Variants in COL5A1 observed in about 807,000 individuals in gnomAD.
COL5A1 encodes collagen alpha-1(V) chain.
Under a neutral mutation model 263.7 loss-of-function variants are expected in COL5A1, and 16 were observed. That is an observed-to-expected ratio of 0.06 (90% CI 0.04 to 0.09). The LOEUF is 0.09. Among genes scored for constraint, COL5A1 ranks in the 10% least tolerant of loss-of-function variants. The pLI, the probability that COL5A1 is intolerant of heterozygous loss-of-function variation, is 1.00. For missense variants in COL5A1, 2,036 were observed against 2,540.5 expected, an observed-to-expected ratio of 0.80 and a Z score of 4.27; for synonymous variants, 1,012 against 1,004.5, an observed-to-expected ratio of 1.01 and a Z score of -0.14.
At chr9:134,817,429 C>A (rs1291182681) in intron 53 of COL5A1, among the ~76,000 whole-genome samples, 1 of 152,238 alleles carries the variant, frequency 6.6e-6, no homozygotes, top group Non-Finnish European at 1.5e-5. Flanking sequence ...AATGGTCCAG[C>A]CACTTGCTGG....
chr9:134,671,674 G>A (rs1832542569), intron 1 of COL5A1, among the ~76,000 whole-genome samples: 1 of 152,262 alleles, frequency 6.6e-6, no homozygotes, highest in Non-Finnish European at 1.5e-5. Context: ...GTGCGTGAAG[G>A]GTTGAGTGGA....
chr9:134,728,831 G>C, intron 6 of COL5A1, 24 bp downstream of exon 6: 3 of 1,613,802 alleles, frequency 1.9e-6, no homozygotes, highest in Non-Finnish European at 2.5e-6. Context: ...GGGGGACTGG[G>C]TTGGGCTGGG....
intron 9 of COL5A1, among the ~76,000 whole-genome samples, chr9:134,736,515 C>G (rs879751257): frequency 8.5e-5 from 13 of 152,220 alleles, no homozygotes; most frequent in African/African-American, 2.9e-4. Flanking sequence ...CTGAAGATCC[C>G]ACCTCTCAAC....
intron 1 of COL5A1, among the ~76,000 whole-genome samples, chr9:134,648,136 C>T (rs1385219269): frequency 6.6e-6 from 1 of 151,960 alleles, no homozygotes; most frequent in Non-Finnish European, 1.5e-5. Context: ...CAGCCTACAT[C>T]TTTCTCCTGT....
chr9:134,660,129 GA>G (rs1832158971), intron 1 of COL5A1, among the ~76,000 whole-genome samples: 2 of 152,200 alleles, frequency 1.3e-5, no homozygotes, highest in Non-Finnish European at 2.9e-5. Flanking sequence ...CAGCATTTCA[GA>G]AAAGAAAAAT....
At chr9:134,733,289 G>A (rs753040371) in intron 9 of COL5A1, among the ~76,000 whole-genome samples, 10 of 152,194 alleles carry the variant, frequency 6.6e-5, no homozygotes, top group Non-Finnish European at 1.3e-4. Context: ...TTATACCCCT[G>A]GAATCTCTTT....
At chr9:134,679,998 C>T (rs1386085271) in intron 1 of COL5A1, among the ~76,000 whole-genome samples, 1 of 152,026 alleles carries the variant, frequency 6.6e-6, no homozygotes, top group African/African-American at 2.4e-5. Flanking sequence ...GGGCCTGTGC[C>T]TGTGGGGAGG....
At chr9:134,729,896 A>G (rs1317980071) in intron 6 of COL5A1, among the ~76,000 whole-genome samples, 1 of 152,202 alleles carries the variant, frequency 6.6e-6, no homozygotes, top group Non-Finnish European at 1.5e-5. Flanking sequence ...GTCATCTCAC[A>G]TTGCTCTGAG....
intron 14 of COL5A1, among the ~76,000 whole-genome samples, 153 bp downstream of exon 14, chr9:134,752,798 C>A (rs574586852): frequency 6.6e-6 from 1 of 151,952 alleles, no homozygotes; most frequent in African/African-American, 2.4e-5. Context: ...GCCAGGGGGA[C>A]CAGGGGCCTC....
intron 5 of COL5A1, among the ~76,000 whole-genome samples, chr9:134,727,912 C>G (rs938585694): frequency 1.3e-5 from 2 of 152,232 alleles, no homozygotes; most frequent in Non-Finnish European, 2.9e-5. Context: ...TGTCCTCCCC[C>G]TCCCGCTGCA....
intron 14 of COL5A1, among the ~76,000 whole-genome samples, chr9:134,753,343 T>A (rs1232173554): frequency 1.3e-5 from 2 of 152,114 alleles, no homozygotes; most frequent in African/African-American, 4.8e-5. Flanking sequence ...CCGGGGCCTC[T>A]GGGGAGGAGT....
intron 45 of COL5A1, 42 bp from the exon 46 acceptor site, chr9:134,811,450 C>T: frequency 6.2e-7 from 1 of 1,613,096 alleles, no homozygotes. Context: ...GAGCTGCTGG[C>T]ATTGCCAGCA....
At chr9:134,813,877 C>A in intron 48 of COL5A1, 106 bp from the exon 49 acceptor site, 1 of 1,294,734 alleles carries the variant, frequency 7.7e-7, no homozygotes, top group South Asian at 1.3e-5. Flanking sequence ...CCTGGGTGCC[C>A]AGGGGCAGGC....
chr9:134,813,101 C>G (rs1838602341), intron 48 of COL5A1, among the ~76,000 whole-genome samples: 1 of 152,064 alleles, frequency 6.6e-6, no homozygotes, highest in Admixed American at 6.6e-5. Context: ...CTTGCAGTTT[C>G]CATTTCAGCC....
chr9:134,649,122 A>G (rs960635280), intron 1 of COL5A1, among the ~76,000 whole-genome samples: 1 of 151,860 alleles, frequency 6.6e-6, no homozygotes, highest in Non-Finnish European at 1.5e-5. Flanking sequence ...GCCATCTCAG[A>G]TGTTGTTTTT....
Position 134,806,640 on chromosome 9 carries a change from C to T in COL5A1, c.3366+344C>T, listed in dbSNP as rs561857292. 1.4e-3 allele frequency among the ~76,000 whole-genome samples: 216 copies of T among 152,300 alleles called. 1 individual carries two copies. The highest frequency in any genetic ancestry group is 5.1e-3 in the African/African-American group (211 of 41,558). Reference sequence around the variant, plus strand: ...AGGAAGGGGCCGAAGACAGTCAGTGCGCTGTGGACTTGGTCTCCGTCCAGC... The same window carrying T: ...AGGAAGGGGCCGAAGACAGTCAGTGTGCTGTGGACTTGGTCTCCGTCCAGC... On this transcript the variant is annotated intron_variant, in intron 42 of 65. Coordinates refer to ENST00000371817, the MANE Select transcript of COL5A1 (RefSeq NM_000093.5).
At chr9:134,790,359 C>T (rs1299442619) in intron 32 of COL5A1, among the ~76,000 whole-genome samples, 8 of 147,184 alleles carry the variant, frequency 5.4e-5, no homozygotes, top group Non-Finnish European at 9.0e-5. Context: ...CCAACCCATC[C>T]ACCCATCCAT....
intron 63 of COL5A1, among the ~76,000 whole-genome samples, chr9:134,829,559 G>T (rs962783491): frequency 6.8e-6 from 1 of 147,416 alleles, no homozygotes; most frequent in Non-Finnish European, 1.5e-5. Flanking sequence ...CGGTCTCCCC[G>T]AGGGCCCAGG....
At chr9:134,788,037 G>C (rs1307536842) in intron 31 of COL5A1, among the ~76,000 whole-genome samples, 2 of 152,152 alleles carry the variant, frequency 1.3e-5, no homozygotes, top group Non-Finnish European at 2.9e-5. Context: ...GAATGGGTAG[G>C]TATGTGGGTG....
Sources: allele counts gnomAD v4.1 joint callset (sites outside exome capture counted in the v4.1 genomes callset), GRCh38; gene constraint gnomAD v4.1.1; transcripts MANE v1.5; gene names NCBI Gene and HGNC (gene_info 2026-07-23, HGNC 2026-07-21).